CTNNA3: variants seen among roughly 807,000 people sequenced by gnomAD.
The protein encoded by CTNNA3 is catenin alpha 3, also known as catenin alpha-3.
Under a neutral mutation model 95.7 loss-of-function variants are expected in CTNNA3, and 76 were observed. The observed-to-expected ratio is 0.79, with a 90% CI of 0.66 to 0.96. CTNNA3 has a LOEUF of 0.96. Among genes scored for constraint, CTNNA3 ranks in the 40% least tolerant of loss-of-function variants. The pLI, the probability that CTNNA3 is intolerant of heterozygous loss-of-function variation, is 0.00. For missense variants in CTNNA3, 1,191 were observed against 1,089.8 expected, an observed-to-expected ratio of 1.09 and a Z score of -1.31; for synonymous variants, 431 against 374.4, an observed-to-expected ratio of 1.15 and a Z score of -1.74.
chr10:67,421,204 G>A (rs534828218), intron 5 of CTNNA3, among the ~76,000 whole-genome samples: 2 of 152,178 alleles, frequency 1.3e-5, no homozygotes, highest in African/African-American at 4.8e-5. Context: ...AAACCAAAGT[G>A]AAAGAACTAA....
In CTNNA3 at chr10:65,988,715, G is replaced by C. The variant is rs1011996986; in HGVS notation, c.2242C>G (p.Leu748Val). The change falls in exon 16 of 18, where the codon CTT becomes GTT. Residue 748 changes from leucine (L) to valine (V), a missense_variant. Leu to Val is a conservative substitution (Grantham distance 32). Coordinates refer to ENST00000433211, the MANE Select transcript of CTNNA3 (RefSeq NM_013266.4). ...ACCTGATTAGCAATCTGCCGAGCAA[G>C]GACATCCATCCTTGATCCTGATTCT... ...ISESGSRMDV[L>V]ARQIANQCPD... 1.9e-6 allele frequency: 3 copies of C among 1,613,528 alleles called. No individual in the cohort carries two copies. The highest frequency in any genetic ancestry group is 1.6e-4 in the Middle Eastern group (1 of 6,082).
intron 13 of CTNNA3, among the ~76,000 whole-genome samples, chr10:66,140,950 A>G (rs1469077950): frequency 6.6e-6 from 1 of 152,282 alleles, no homozygotes; most frequent in East Asian, 1.9e-4. Flanking sequence ...TCATAATCTA[A>G]GAACATTTCA....
chr10:66,217,103 C>T (rs551464703), intron 13 of CTNNA3, among the ~76,000 whole-genome samples: 3 of 152,228 alleles, frequency 2.0e-5, no homozygotes, highest in South Asian at 2.1e-4. Context: ...CGCCTGTAAT[C>T]CCAGCACTTT....
chr10:66,929,120 TGAG>T (rs894287313), intron 7 of CTNNA3, among the ~76,000 whole-genome samples: 13 of 152,156 alleles, frequency 8.5e-5, no homozygotes, highest in African/African-American at 2.9e-4. Context: ...CTGCAAAATG[TGAG>T]GAGATGACAA....
chr10:67,337,102 A>G (rs1489405982), intron 5 of CTNNA3, among the ~76,000 whole-genome samples: 1 of 152,210 alleles, frequency 6.6e-6, no homozygotes, highest in Admixed American at 6.5e-5. Flanking sequence ...TGTCATAGAT[A>G]GTAATTCCTA....
At chr10:67,317,363 T>TC (rs1398668609) in intron 5 of CTNNA3, among the ~76,000 whole-genome samples, 1 of 139,514 alleles carries the variant, frequency 7.2e-6, no homozygotes, top group South Asian at 2.5e-4. Flanking sequence ...CCCTCCCCCG[T>TC]CCCCCCACCC....
intron 11 of CTNNA3, among the ~76,000 whole-genome samples, chr10:66,474,724 T>C (rs1172387251): frequency 6.6e-6 from 1 of 152,032 alleles, no homozygotes; most frequent in Non-Finnish European, 1.5e-5. Flanking sequence ...TTTTGTCTTT[T>C]AGATAATAAC....
intron 11 of CTNNA3, among the ~76,000 whole-genome samples, chr10:66,471,281 A>G (rs187583241): frequency 1.3e-5 from 2 of 152,020 alleles, no homozygotes; most frequent in African/African-American, 4.8e-5. Flanking sequence ...TACAACATAT[A>G]TCAATGCATA....
chr10:67,536,423 T>G (rs894417587), intron 4 of CTNNA3, among the ~76,000 whole-genome samples: 1 of 152,248 alleles, frequency 6.6e-6, no homozygotes, highest in East Asian at 1.9e-4. Flanking sequence ...ATTGTTATCA[T>G]TGTTAGTGAT....
intron 2 of CTNNA3, among the ~76,000 whole-genome samples, chr10:67,639,777 G>T (rs1467636660): frequency 6.6e-6 from 1 of 152,130 alleles, no homozygotes; most frequent in Admixed American, 6.6e-5. Flanking sequence ...CTCAATAGAT[G>T]CAGAAAAGGC....
At position 66,788,884 on chromosome 10, in the gene CTNNA3, A is replaced by G. The variant is rs184941131; in HGVS notation, c.1048-13360T>C. Among the ~76,000 whole-genome samples, 36 of 152,324 alleles carry G rather than the reference A, an allele frequency of 2.4e-4. No homozygotes were observed. In the East Asian group the frequency reaches 4.3e-3, roughly 18 times the overall value. ...CTTGCATCTGGTTTAAGGGGGTGCC[A>G]GTCAACCTGGTGAGAATCTAGATTA... On this transcript the variant is annotated intron_variant, in intron 7 of 17. Coordinates refer to ENST00000433211, the MANE Select transcript of CTNNA3 (RefSeq NM_013266.4).
chr10:66,684,219 C>T (rs78664755), intron 9 of CTNNA3, among the ~76,000 whole-genome samples: 3,914 of 152,164 alleles, frequency 0.026, 54 homozygotes, highest in Middle Eastern at 0.061. Flanking sequence ...TGTGGTGCTA[C>T]TGGCATCTAG....
chr10:67,100,846 G>T (rs1279917900), intron 7 of CTNNA3, among the ~76,000 whole-genome samples: 1 of 151,648 alleles, frequency 6.6e-6, no homozygotes, highest in Non-Finnish European at 1.5e-5. Context: ...AATAATTGGT[G>T]CAGTTGAATT....
At chr10:66,496,296 G>A (rs569224851) in intron 11 of CTNNA3, among the ~76,000 whole-genome samples, 6 of 151,506 alleles carry the variant, frequency 4.0e-5, no homozygotes, top group Admixed American at 1.3e-4. Context: ...GGTGTCATAA[G>A]GAAATGACTG....
intron 11 of CTNNA3, among the ~76,000 whole-genome samples, chr10:66,501,035 A>G (rs1417399785): frequency 6.6e-6 from 1 of 152,212 alleles, no homozygotes; most frequent in Admixed American, 6.5e-5. Context: ...GATTCCCTAC[A>G]AGAAAATCTG....
intron 7 of CTNNA3, among the ~76,000 whole-genome samples, chr10:66,970,607 G>T (rs763534032): frequency 3.9e-5 from 6 of 151,994 alleles, no homozygotes; most frequent in Non-Finnish European, 5.9e-5. Context: ...GGAAGGTATA[G>T]AAATTTAGAG....
At chr10:66,760,864 G>C (rs1161150123) in intron 9 of CTNNA3, among the ~76,000 whole-genome samples, 1 of 152,032 alleles carries the variant, frequency 6.6e-6, no homozygotes, top group East Asian at 1.9e-4. Context: ...CATAAGTAAA[G>C]CATTCCCGCC....
chr10:66,834,633 A>C (rs1842829784), intron 7 of CTNNA3, among the ~76,000 whole-genome samples: 1 of 152,214 alleles, frequency 6.6e-6, no homozygotes, highest in Non-Finnish European at 1.5e-5. Context: ...TAAGAAATGA[A>C]ACAGTCAACA....
At chr10:65,996,255 C>A (rs1170410780) in intron 15 of CTNNA3, among the ~76,000 whole-genome samples, 1 of 152,148 alleles carries the variant, frequency 6.6e-6, no homozygotes, top group Non-Finnish European at 1.5e-5. Context: ...TCAGTGGGAG[C>A]AGCCCCAGGC....
Sources: allele counts gnomAD v4.1 joint callset (sites outside exome capture counted in the v4.1 genomes callset), GRCh38; gene constraint gnomAD v4.1.1; transcripts MANE v1.5; gene names NCBI Gene and HGNC (gene_info 2026-07-23, HGNC 2026-07-21).